GRIP2: variants seen among roughly 807,000 people sequenced by gnomAD.
GRIP2 encodes glutamate receptor interacting protein 2.
In GRIP2, 58 loss-of-function variants were observed where a neutral mutation model predicts 108.3. The ratio of observed to expected loss-of-function variants is 0.54; its 90% CI spans 0.43 to 0.67. The LOEUF (loss-of-function observed/expected upper bound fraction) is 0.67. Among genes scored for constraint, GRIP2 ranks in the 30% least tolerant of loss-of-function variants. The pLI is 0.00. For synonymous variants in GRIP2, 586 were observed against 598.2 expected (o/e 0.98, Z 0.30); for missense variants, 1,278 against 1,430.6 (o/e 0.89, Z 1.72).
chr3:14,503,285 T>C (rs1253475773), intron 21 of GRIP2, among the ~76,000 whole-genome samples: 1 of 152,202 alleles, frequency 6.6e-6, no homozygotes, highest in East Asian at 1.9e-4. Context: ...CATGCATGCA[T>C]ACACATATGC....
chr3:14,576,388 C>T, the GRIP2 span, among the ~76,000 whole-genome samples: 1 of 152,254 alleles, frequency 6.6e-6, no homozygotes, highest in African/African-American at 2.4e-5. Context: ...TCACACAGCT[C>T]ATCAGCAGCT....
chr3:14,590,174 A>T, the GRIP2 span, among the ~76,000 whole-genome samples: 1 of 152,168 alleles, frequency 6.6e-6, no homozygotes, highest in Non-Finnish European at 1.5e-5. Flanking sequence ...CTAACAGAAT[A>T]ATCCCTGAGA....
the GRIP2 span, chr3:14,573,818 G>T: frequency 1.3e-6 from 2 of 1,534,384 alleles, no homozygotes; most frequent in Admixed American, 1.7e-5. Context: ...GCTCTGGGGC[G>T]CTGGAATGGA....
the GRIP2 span, among the ~76,000 whole-genome samples, chr3:14,572,147 C>G: frequency 6.6e-6 from 1 of 152,150 alleles, no homozygotes; most frequent in Non-Finnish European, 1.5e-5. Context: ...CATGTTTAGG[C>G]ACCGGAGTAT....
At chr3:14,583,019 G>A in the GRIP2 span, among the ~76,000 whole-genome samples, 35 of 152,350 alleles carry the variant, frequency 2.3e-4, 1 homozygote, top group African/African-American at 8.4e-4. Context: ...CTGACTATGT[G>A]TTCATTTCCC....
chr3:14,513,710 C>T lies in GRIP2; in HGVS notation c.1594G>A (p.Ala532Thr), dbSNP rs531605439. The T allele has an allele frequency of 1.2e-5, 20 of 1,610,106 alleles. No individual in the cohort carries two copies. Among genetic ancestry groups the T allele is most frequent in the East Asian group, 4.5e-5 (2 of 44,716 alleles). ...EEANQLLRDA[A>T]LAHKVVLEVE... ...TCCAGCACGACCTTGTGGGCCAGTG[C>T]GGCGTCCCGCAGGAGCTGGTTGGCT... Residue 532 changes from alanine to threonine, a missense_variant, in exon 13 of 24, where the codon GCA becomes ACA. By Grantham distance (58) the Ala-to-Thr change is moderately conservative. Coordinates refer to ENST00000621039, the MANE Select transcript of GRIP2 (RefSeq NM_001080423.4).
the GRIP2 span, among the ~76,000 whole-genome samples, chr3:14,581,515 A>C: frequency 2.7e-3 from 410 of 152,364 alleles, 3 homozygotes; most frequent in African/African-American, 9.5e-3. Flanking sequence ...TCTCCAGGCC[A>C]CAGTGACTGG....
rs544681742 is a variant in GRIP2, at chr3:14,492,626, C to T, written c.*1039G>A. On this transcript the variant is annotated 3_prime_UTR_variant, in exon 24 of 24. Transcript: ENST00000621039. Reference sequence around the variant, plus strand: ...TCTCCCATCTCCCTCCCTCTTTCTCCTCTTCCTCCACTGATCTGGCTGTAA... The same window carrying T: ...TCTCCCATCTCCCTCCCTCTTTCTCTTCTTCCTCCACTGATCTGGCTGTAA... 18 of 152,470 alleles carry T rather than the reference C, an allele frequency of 1.2e-4. No homozygotes were observed. In the East Asian group the frequency reaches 3.3e-3, roughly 28 times the overall value. The allele number at this position is 152,470 out of a possible 1,614,324, so 9.4% of individuals were successfully genotyped here.
At chr3:14,575,672 T>C in the GRIP2 span, among the ~76,000 whole-genome samples, 3 of 152,138 alleles carry the variant, frequency 2.0e-5, no homozygotes, top group African/African-American at 7.2e-5. Context: ...GCTGGCAGCC[T>C]AGAGAACCCA....
Position 14,511,112 on chromosome 3 carries a change from C to A in GRIP2, c.1933+53G>T, listed in dbSNP as rs370522181. The A allele has an allele frequency of 1.1e-5, 17 of 1,597,206 alleles. No homozygotes were observed. The highest frequency in any genetic ancestry group is 8.0e-5 in the African/African-American group (6 of 74,590). ...AGCCCTGAATTGCAAGCTGGGAACCCGCTAGTCAAAGGGTGGGCCTCTGGA... is the reference window on the plus strand; with the variant it reads ...AGCCCTGAATTGCAAGCTGGGAACCAGCTAGTCAAAGGGTGGGCCTCTGGA... On this transcript the variant is annotated intron_variant, in intron 16 of 23. Transcript: ENST00000621039. This position sits in a 1 kb window ranked among gnomAD's most constrained non-coding sequence, Gnocchi z 4.1.
Position 14,507,591 on chromosome 3 carries a change from C to T in GRIP2, c.2188G>A (p.Val730Ile), listed in dbSNP as rs368663692. 2.0e-5 allele frequency: 33 copies of T among 1,613,868 alleles called. No homozygotes were observed. The African/African-American group carries it at 2.3e-4, about 11-fold the overall frequency. Residue 730 changes from valine (V) to isoleucine (I), a missense_variant, in exon 18 of 24, where the codon GTC becomes ATC. Physicochemically the swap from Val to Ile is conservative, Grantham distance 29. Transcript: ENST00000621039. This position sits in a 1 kb window ranked among gnomAD's most constrained non-coding sequence, Gnocchi z 4.6. ...AGTTGCTTCTTGATCTTCAGTGTGA[C>T]GGTCTCTCCAGCCACCTGCAGGAGG... Reference protein sequence around the residue: ...IHLLQVAGETVTLKIKKQLDR... With the variant: ...IHLLQVAGETITLKIKKQLDR...
intron 9 of GRIP2, 97 bp from the exon 10 acceptor site, chr3:14,517,994 T>C: frequency 7.3e-7 from 1 of 1,379,176 alleles, no homozygotes; most frequent in Non-Finnish European, 9.6e-7. Context: ...TCCTCGTGCT[T>C]CCCCTGAGCC....
chr3:14,556,881 C>A (rs535059672), upstream of GRIP2, among the ~76,000 whole-genome samples: 3 of 152,346 alleles, frequency 2.0e-5, no homozygotes, highest in East Asian at 5.8e-4. Context: ...ACATATGTTG[C>A]AGAGGTGGCT....
chr3:14,572,260 CTT>C, the GRIP2 span, among the ~76,000 whole-genome samples: 401 of 147,390 alleles, frequency 2.7e-3, 3 homozygotes, highest in African/African-American at 9.5e-3. Flanking sequence ...CGCAATGGAA[CTT>C]TTTTTTTTTT....
chr3:14,549,445 C>T (rs1240115560), intron 1 of GRIP2, among the ~76,000 whole-genome samples: 2 of 152,224 alleles, frequency 1.3e-5, no homozygotes, highest in African/African-American at 4.8e-5. Context: ...ACAGCTCAGT[C>T]TGGATGCGGC....
In GRIP2 at chr3:14,522,962, G is replaced by A. The variant is rs375438884; in HGVS notation, c.566+38C>T. 6.4e-7 allele frequency: 1 copy of A among 1,573,018 alleles called. No individual in the cohort carries two copies. The highest frequency in any genetic ancestry group is 8.8e-7 in the Non-Finnish European group (1 of 1,142,582). Reference sequence around the variant, plus strand: ...CTTCTTCGCAGGGGAGTTGGGGCAGGTCAGTGCAGTGTGTGGATTTCTTCT... The same window carrying A: ...CTTCTTCGCAGGGGAGTTGGGGCAGATCAGTGCAGTGTGTGGATTTCTTCT... On this transcript the variant is annotated intron_variant, in intron 6 of 23. Transcript: ENST00000621039. This position sits in a 1 kb window ranked among gnomAD's most constrained non-coding sequence, Gnocchi z 4.3.
At chr3:14,513,553 C>T in intron 13 of GRIP2, 112 bp downstream of exon 13, 1 of 1,351,884 alleles carries the variant, frequency 7.4e-7, no homozygotes, top group Non-Finnish European at 1.0e-6. Flanking sequence ...GGGAGAAGGG[C>T]ACTGGGCACA....
At chr3:14,547,644 C>T (rs751966490) in intron 1 of GRIP2, among the ~76,000 whole-genome samples, 9 of 152,264 alleles carry the variant, frequency 5.9e-5, no homozygotes, top group Non-Finnish European at 1.0e-4. Context: ...GTGCTCAGAG[C>T]GCTCCTGGGT....
Position 14,507,756 on chromosome 3 carries a change from G to A in GRIP2, c.2079-56C>T. 1 of 1,583,086 alleles carries A rather than the reference G, an allele frequency of 6.3e-7. No individual in the cohort carries two copies. Among genetic ancestry groups the A allele is most frequent in the Non-Finnish European group, 8.7e-7 (1 of 1,154,756 alleles). On this transcript the variant is annotated intron_variant, in intron 17 of 23. Transcript: ENST00000621039. The surrounding 1 kb of genome is among the most constrained non-coding windows in gnomAD (Gnocchi z 4.6). ...AGTTAGACACTCAGGGCCTCAGAGT[G>A]GCAGTCTGCCCTCAGGGAATCCAGG...
Sources: gnomAD v4.1 joint callset for allele counts (sites outside exome capture counted in the v4.1 genomes callset) on GRCh38, gnomAD v4.1.1 for gene constraint, Gnocchi (gnomAD v3.1) non-coding constraint, MANE v1.5 for transcripts, NCBI Gene and HGNC (gene_info 2026-07-23, HGNC 2026-07-21) for gene names.